The following SNTG1 variants were observed in gnomAD, a reference collection of about 807,000 sequenced individuals.
SNTG1 encodes the protein syntrophin gamma 1.
In SNTG1, 39 loss-of-function variants were observed where a neutral mutation model predicts 74.7. The observed-to-expected ratio is 0.52, with a 90% CI of 0.40 to 0.68. SNTG1 has a LOEUF of 0.68. SNTG1 is among the 30% of genes least tolerant of loss of function. The probability of loss-of-function intolerance (pLI) is 0.00; values close to 1 mark genes in which losing one functional copy is unlikely to be tolerated. For missense variants in SNTG1, 685 were observed against 609.5 expected (o/e 1.12, Z -1.30); for synonymous variants, 254 against 217.1 (o/e 1.17, Z -1.49).
intron 1 of SNTG1, among the ~76,000 whole-genome samples, chr8:50,125,923 G>A (rs2081124187): frequency 6.6e-6 from 1 of 152,120 alleles, no homozygotes; most frequent in Non-Finnish European, 1.5e-5. Flanking sequence ...GTCTGTGCAA[G>A]GTCAGAGGCA....
chr8:50,198,033 A>C (rs1262923563), intron 2 of SNTG1, among the ~76,000 whole-genome samples: 1 of 152,070 alleles, frequency 6.6e-6, no homozygotes, highest in African/African-American at 2.4e-5. Context: ...TACCAATGTC[A>C]TTATATTTAT....
intron 1 of SNTG1, among the ~76,000 whole-genome samples, chr8:50,107,535 CAT>C (rs2080420049): frequency 6.6e-6 from 1 of 151,876 alleles, no homozygotes; most frequent in Non-Finnish European, 1.5e-5. Flanking sequence ...GTTAAAATAA[CAT>C]AAATGCGGAA....
rs186991147 is a variant in SNTG1 at position 50,576,400 on chromosome 8, G to A, written c.811-14479G>A. Among the ~76,000 whole-genome samples the A allele has an allele frequency of 2.9e-3, 448 of 152,228 alleles. 1 individual carries two copies. Among genetic ancestry groups the A allele is most frequent in the Middle Eastern group, 0.027 (8 of 294 alleles). On this transcript the variant is annotated intron_variant, in intron 12 of 18. Coordinates refer to ENST00000642720, the MANE Select transcript of SNTG1 (RefSeq NM_018967.5). Reference sequence around the variant, plus strand: ...AGGAAGTTTTGAAATCAAGAAATACGTGTTCTCTGGTATTGTTCTTTGTTA... The same window carrying A: ...AGGAAGTTTTGAAATCAAGAAATACATGTTCTCTGGTATTGTTCTTTGTTA...
chr8:50,584,665 C>G (rs1563611293), intron 12 of SNTG1, among the ~76,000 whole-genome samples: 1 of 152,052 alleles, frequency 6.6e-6, no homozygotes, highest in African/African-American at 2.4e-5. Context: ...AGCACCTGAA[C>G]AGTGGTAGCC....
At chr8:50,434,096 G>C (rs1410025509) in intron 4 of SNTG1, among the ~76,000 whole-genome samples, 2 of 141,712 alleles carry the variant, frequency 1.4e-5, no homozygotes, top group Non-Finnish European at 3.0e-5. Flanking sequence ...GTGTCCAAGT[G>C]TTCTCATTGT....
At chr8:49,960,300 A>G (rs318892) in intron 1 of SNTG1, among the ~76,000 whole-genome samples, 5,999 of 152,276 alleles carry the variant, frequency 0.039, 398 homozygotes, top group African/African-American at 0.14. Flanking sequence ...TAATGCTGTT[A>G]ACATTGAATA....
intron 2 of SNTG1, among the ~76,000 whole-genome samples, chr8:50,216,491 T>C (rs1454885266): frequency 1.3e-5 from 2 of 152,168 alleles, no homozygotes; most frequent in Non-Finnish European, 2.9e-5. Context: ...ATTTATACTG[T>C]TAAGAGTAGC....
At chr8:50,490,516 TCTC>T (rs2093842043) in intron 8 of SNTG1, among the ~76,000 whole-genome samples, 1 of 152,196 alleles carries the variant, frequency 6.6e-6, no homozygotes, top group South Asian at 2.1e-4. Flanking sequence ...GGTATTTTAT[TCTC>T]CTTGTGCAAT....
intron 1 of SNTG1, among the ~76,000 whole-genome samples, chr8:50,067,712 T>C (rs1477546156): frequency 6.6e-6 from 1 of 152,100 alleles, no homozygotes; most frequent in African/African-American, 2.4e-5. Flanking sequence ...ACACCCTGAT[T>C]TTGGTTGCCT....
intron 13 of SNTG1, among the ~76,000 whole-genome samples, chr8:50,638,490 G>T (rs532300505): frequency 1.4e-4 from 22 of 152,218 alleles, no homozygotes; most frequent in Admixed American, 4.6e-4. Flanking sequence ...GAAAAATCAA[G>T]AAGTAGAGTT....
intron 1 of SNTG1, among the ~76,000 whole-genome samples, chr8:50,061,901 T>C (rs1292474748): frequency 5.3e-5 from 8 of 152,196 alleles, no homozygotes; most frequent in Non-Finnish European, 1.2e-4. Context: ...GGTGAATGCT[T>C]CTTGTCTATT....
chr8:49,999,311 G>C lies in SNTG1; in HGVS notation c.-103+87080G>C, dbSNP rs190664701. ...TCCCTCTACATTTACATCATTAAGA[G>C]TGTAGCAGCTCATTGTCTCACTGCC... On this transcript the variant is annotated intron_variant, in intron 1 of 18. Transcript: ENST00000642720. Among the ~76,000 whole-genome samples, 649 of 152,186 alleles carry C rather than the reference G, an allele frequency of 4.3e-3. 6 individuals are homozygous for C. Among genetic ancestry groups the C allele is most frequent in the South Asian group, 7.9e-3 (38 of 4,820 alleles).
At chr8:50,092,853 A>T (rs1438998116) in intron 1 of SNTG1, among the ~76,000 whole-genome samples, 2 of 152,178 alleles carry the variant, frequency 1.3e-5, no homozygotes, top group African/African-American at 4.8e-5. Context: ...TAATGCAAAG[A>T]TAAGAAAGAC....
At chr8:49,994,634 G>A (rs1005948045) in intron 1 of SNTG1, among the ~76,000 whole-genome samples, 4 of 151,570 alleles carry the variant, frequency 2.6e-5, no homozygotes, top group South Asian at 2.1e-4. Context: ...CAAGAAATAC[G>A]GATTCATGGC....
At chr8:50,091,332 T>C (rs978391305) in intron 1 of SNTG1, among the ~76,000 whole-genome samples, 2 of 152,052 alleles carry the variant, frequency 1.3e-5, no homozygotes, top group Non-Finnish European at 2.9e-5. Context: ...ATCTACTCTT[T>C]TAGCAAACTT....
intron 2 of SNTG1, among the ~76,000 whole-genome samples, chr8:50,199,043 T>C (rs1243680932): frequency 1.3e-5 from 2 of 152,152 alleles, no homozygotes; most frequent in Admixed American, 1.3e-4. Flanking sequence ...GCAAAAGTAA[T>C]GTCATCAGGC....
chr8:50,388,625 C>A (rs1177071860), intron 2 of SNTG1, among the ~76,000 whole-genome samples: 1 of 152,122 alleles, frequency 6.6e-6, no homozygotes, highest in Non-Finnish European at 1.5e-5. Context: ...AGTCTAAAAT[C>A]TACATCAGCC....
chr8:50,210,793 TAAAAAC>T (rs1450882428), intron 2 of SNTG1, among the ~76,000 whole-genome samples: 3 of 152,108 alleles, frequency 2.0e-5, no homozygotes, highest in Non-Finnish European at 4.4e-5. Context: ...CCAGTAAATT[TAAAAAC>T]AAAAACAAAA....
At chr8:50,647,748 A>C (rs764385828) in intron 13 of SNTG1, among the ~76,000 whole-genome samples, 2 of 152,186 alleles carry the variant, frequency 1.3e-5, no homozygotes, top group African/African-American at 2.4e-5. Flanking sequence ...ATTTAAAGTG[A>C]ACAAGCTTCC....
Sources: gnomAD v4.1 joint callset for allele counts (sites outside exome capture counted in the v4.1 genomes callset) on GRCh38, gnomAD v4.1.1 for gene constraint, MANE v1.5 for transcripts, NCBI Gene and HGNC (gene_info 2026-07-23, HGNC 2026-07-21) for gene names.